The following SLC24A2 variants were observed in gnomAD, a reference collection of about 807,000 sequenced individuals.
The protein encoded by SLC24A2 is sodium/potassium/calcium exchanger 2.
Under a neutral mutation model 62.0 loss-of-function variants are expected in SLC24A2, and 36 were observed. That is an observed-to-expected ratio of 0.58 (90% CI 0.44 to 0.77). The LOEUF (loss-of-function observed/expected upper bound fraction) is 0.77. Ranked by LOEUF, SLC24A2 falls within the 30% of genes least tolerant of loss-of-function variation. The pLI is 0.00. For synonymous variants in SLC24A2, 358 were observed against 294.0 expected (o/e 1.22, Z -2.23); for missense variants, 846 against 817.9 (o/e 1.03, Z -0.42).
At chr9:19,974,153 C>T in the SLC24A2 span, among the ~76,000 whole-genome samples, 1 of 152,042 alleles carries the variant, frequency 6.6e-6, no homozygotes, top group Non-Finnish European at 1.5e-5. Flanking sequence ...CTTATAGGTG[C>T]TATAATTTCT....
chr9:20,295,123 A>T, the SLC24A2 span, among the ~76,000 whole-genome samples: 1 of 151,994 alleles, frequency 6.6e-6, no homozygotes, highest in African/African-American at 2.4e-5. Context: ...ACAGTCACAA[A>T]TGCCACAATC....
chr9:19,890,802 C>G, the SLC24A2 span, among the ~76,000 whole-genome samples: 2 of 152,126 alleles, frequency 1.3e-5, no homozygotes, highest in Admixed American at 6.5e-5. Flanking sequence ...CGTACCATCC[C>G]ATAGCTTTTA....
intron 9 of SLC24A2, among the ~76,000 whole-genome samples, chr9:19,525,939 T>A (rs1307276254): frequency 6.6e-6 from 1 of 152,156 alleles, no homozygotes; most frequent in African/African-American, 2.4e-5. Context: ...CTTCATAATT[T>A]AGGTTTTGAA....
At chr9:19,757,700 G>A (rs1416511430) in intron 2 of SLC24A2, among the ~76,000 whole-genome samples, 1 of 152,138 alleles carries the variant, frequency 6.6e-6, no homozygotes, top group Non-Finnish European at 1.5e-5. Context: ...TCATTTATTT[G>A]TCTTCACCAA....
chr9:20,297,057 A>G, the SLC24A2 span, among the ~76,000 whole-genome samples: 3 of 151,860 alleles, frequency 2.0e-5, no homozygotes, highest in African/African-American at 7.3e-5. Context: ...AGGAATTTTG[A>G]TCTTTTGGGG....
intron 8 of SLC24A2, among the ~76,000 whole-genome samples, chr9:19,535,969 C>T (rs1034429841): frequency 5.3e-5 from 8 of 150,390 alleles, no homozygotes; most frequent in African/African-American, 1.8e-4. Context: ...TCTTCCTATC[C>T]ATGAGCAGGC....
At chr9:20,212,606 C>T in the SLC24A2 span, among the ~76,000 whole-genome samples, 12 of 151,478 alleles carry the variant, frequency 7.9e-5, no homozygotes, top group Non-Finnish European at 1.3e-4. Flanking sequence ...AAACCAGAAC[C>T]CTCTCTGTTT....
At chr9:20,246,890 A>C in the SLC24A2 span, among the ~76,000 whole-genome samples, 1 of 152,200 alleles carries the variant, frequency 6.6e-6, no homozygotes, top group African/African-American at 2.4e-5. Flanking sequence ...TCCACTGCCA[A>C]CACCAATGCA....
the SLC24A2 span, among the ~76,000 whole-genome samples, chr9:20,261,342 C>T: frequency 6.6e-6 from 1 of 152,132 alleles, no homozygotes; most frequent in Non-Finnish European, 1.5e-5. Flanking sequence ...CCAGTGTCAA[C>T]AGGCTGACAT....
chr9:19,681,329 G>A (rs543104074), intron 2 of SLC24A2, among the ~76,000 whole-genome samples: 10 of 152,016 alleles, frequency 6.6e-5, no homozygotes, highest in Middle Eastern at 3.4e-3. Context: ...GGCTTTCTCC[G>A]GTCCACCTTA....
chr9:19,741,406 A>G (rs1023219711), intron 2 of SLC24A2, among the ~76,000 whole-genome samples: 7 of 152,162 alleles, frequency 4.6e-5, no homozygotes, highest in African/African-American at 1.7e-4. Context: ...CAGAGGTTGC[A>G]TTGCCTTCTC....
intron 2 of SLC24A2, among the ~76,000 whole-genome samples, chr9:19,703,553 A>T (rs1012237198): frequency 6.6e-6 from 1 of 152,232 alleles, no homozygotes; most frequent in African/African-American, 2.4e-5. Flanking sequence ...AACAATGGTG[A>T]AAATATTTAG....
the SLC24A2 span, among the ~76,000 whole-genome samples, chr9:20,048,281 C>T: frequency 6.6e-6 from 1 of 152,174 alleles, no homozygotes; most frequent in Admixed American, 6.5e-5. Context: ...TTTTGTAGCA[C>T]TCCTAGTTTA....
chr9:19,991,546 C>G, the SLC24A2 span, among the ~76,000 whole-genome samples: 4 of 152,248 alleles, frequency 2.6e-5, no homozygotes, highest in East Asian at 7.7e-4. Flanking sequence ...ACAATATTAA[C>G]CATCACAAAT....
the SLC24A2 span, among the ~76,000 whole-genome samples, chr9:20,136,545 G>A: frequency 6.6e-6 from 1 of 152,146 alleles, no homozygotes; most frequent in African/African-American, 2.4e-5. Context: ...TCACAAGAAA[G>A]GAAGCCTTAA....
At chr9:19,931,697 G>A in the SLC24A2 span, among the ~76,000 whole-genome samples, 1 of 152,126 alleles carries the variant, frequency 6.6e-6, no homozygotes, top group Non-Finnish European at 1.5e-5. Flanking sequence ...TATTTGGCAT[G>A]GGAAGTCCCA....
At chr9:19,918,251 G>A in the SLC24A2 span, among the ~76,000 whole-genome samples, 2 of 151,360 alleles carry the variant, frequency 1.3e-5, no homozygotes, top group Admixed American at 6.6e-5. Context: ...GTAGTATAGC[G>A]TTTATTTAAG....
At chr9:19,960,615 C>G in the SLC24A2 span, among the ~76,000 whole-genome samples, 15 of 152,194 alleles carry the variant, frequency 9.9e-5, no homozygotes, top group South Asian at 3.1e-3. Context: ...GAAGAGTGAG[C>G]GACAAACATA....
the SLC24A2 span, among the ~76,000 whole-genome samples, chr9:19,984,119 C>G: frequency 2.0e-5 from 3 of 152,128 alleles, no homozygotes; most frequent in African/African-American, 7.2e-5. Context: ...GAATGTAACC[C>G]TGTTGTAAGT....
Sources: allele counts gnomAD v4.1 joint callset (sites outside exome capture counted in the v4.1 genomes callset), GRCh38; gene constraint gnomAD v4.1.1; transcripts MANE v1.5; gene names NCBI Gene and HGNC (gene_info 2026-07-23, HGNC 2026-07-21).